Variants in SIMC1 observed in about 807,000 individuals in gnomAD.
SIMC1 encodes SUMO-interacting motif-containing protein 1.
Under a neutral mutation model 82.3 loss-of-function variants are expected in SIMC1, and 55 were observed. The observed-to-expected ratio is 0.67, with a 90% CI of 0.54 to 0.84. SIMC1 has a LOEUF of 0.84. SIMC1 is among the 40% of genes least tolerant of loss of function. The pLI is 0.00. For missense variants in SIMC1, 915 were observed against 1,107.2 expected (o/e 0.83, Z 2.46); for synonymous variants, 353 against 426.3 (o/e 0.83, Z 2.12).
chr5:176,294,950 G>C, intron 2 of SIMC1, 80 bp from the exon 3 acceptor site: 1 of 1,433,232 alleles, frequency 7.0e-7, no homozygotes, highest in South Asian at 1.4e-5. Flanking sequence ...GGGGAACAGA[G>C]CAAGACTCCG....
chr5:176,282,074 T>A lies in SIMC1; in HGVS notation c.130-7580T>A, dbSNP rs574063756. ...GCAGGCAGGCCTCCTTGAGCTGTGG[T>A]GGGCTTCACCCAGTTGGAGCTTCCC... On this transcript the variant is annotated intron_variant, in intron 1 of 9. Coordinates refer to ENST00000429602, the MANE Select transcript of SIMC1 (RefSeq NM_001308195.2). Among the ~76,000 whole-genome samples the A allele has an allele frequency of 7.4e-3, 1,132 of 152,364 alleles. 16 individuals carry two copies. The highest frequency in any genetic ancestry group is 0.025 in the African/African-American group (1,054 of 41,594).
intron 1 of SIMC1, among the ~76,000 whole-genome samples, chr5:176,287,454 C>A (rs28672754): frequency 2.0e-5 from 3 of 151,972 alleles, no homozygotes; most frequent in Non-Finnish European, 4.4e-5. Flanking sequence ...ACAGGAAGGG[C>A]AACATCAACA....
chr5:176,338,176 G>T (rs567616763), intron 9 of SIMC1, among the ~76,000 whole-genome samples: 2 of 152,252 alleles, frequency 1.3e-5, no homozygotes, highest in East Asian at 3.9e-4. Flanking sequence ...ACCAGATTGA[G>T]TGACCTTTTA....
In SIMC1 at chr5:176,313,717, T is replaced by C. The variant is rs746786294; in HGVS notation, c.1761T>C (p.Leu587=). The C allele has an allele frequency of 6.2e-7, 1 of 1,613,932 alleles. No homozygotes were observed. The highest frequency in any genetic ancestry group is 1.1e-5 in the South Asian group (1 of 91,076). The change falls in exon 5 of 10, where the codon CTT becomes CTC. Residue 587 remains leucine (L), a synonymous_variant. Transcript: ENST00000429602. ...GACAAACTCTGCCTGGGCGAGTCCT[T>C]TTCCTGCGTTATGTCGTTCAGACCC... ...EEGQTLPGRV[L]FLRYVVQTLE...
chr5:176,249,825 C>G (rs908969372), intron 1 of SIMC1, among the ~76,000 whole-genome samples: 1 of 112,322 alleles, frequency 8.9e-6, no homozygotes, highest in South Asian at 2.9e-4. Context: ...GCCTGAGCAA[C>G]AGAGCGAGAT....
chr5:176,297,550 A>T (rs762247421), intron 4 of SIMC1, among the ~76,000 whole-genome samples: 16,967 of 150,366 alleles, frequency 0.11, 1,041 homozygotes, highest in Admixed American at 0.14. Context: ...TCTCTGTAAT[A>T]AACAAAGACA....
At chr5:176,291,068 T>C (rs1156667273) in intron 2 of SIMC1, 113 bp downstream of exon 2, 1 of 664,830 alleles carries the variant, frequency 1.5e-6, no homozygotes, top group Non-Finnish European at 2.5e-6. Flanking sequence ...ATGAAATTTC[T>C]TATCTTTCCT....
intron 5 of SIMC1, 22 bp downstream of exon 5, chr5:176,313,867 C>A: frequency 6.2e-7 from 1 of 1,612,410 alleles, no homozygotes; most frequent in Non-Finnish European, 8.5e-7. Flanking sequence ...CCTGAGCCCT[C>A]GGATGAGAAG....
intron 9 of SIMC1, among the ~76,000 whole-genome samples, chr5:176,344,822 AGTT>A (rs568939461): frequency 3.3e-4 from 50 of 152,288 alleles, no homozygotes; most frequent in African/African-American, 1.2e-3. Context: ...GGGACTGTCT[AGTT>A]GTTTATTCAT....
chr5:176,263,629 T>C, intron 1 of SIMC1: 1 of 1,228,332 alleles, frequency 8.1e-7, no homozygotes, highest in Non-Finnish European at 1.1e-6. Flanking sequence ...TCTGTCCCCA[T>C]GATTCCACCA....
At chr5:176,276,037 A>C (rs11749446) in intron 1 of SIMC1, among the ~76,000 whole-genome samples, 1 of 150,984 alleles carries the variant, frequency 6.6e-6, no homozygotes, top group Non-Finnish European at 1.5e-5. Flanking sequence ...GAATAGTTTC[A>C]GAAGGAATGG....
chr5:176,343,956 A>G (rs1401459436), intron 9 of SIMC1, among the ~76,000 whole-genome samples: 1 of 151,846 alleles, frequency 6.6e-6, no homozygotes. Context: ...CACCATGCCC[A>G]GCTAATTTTT....
chr5:176,286,978 G>A (rs551834441), intron 1 of SIMC1, among the ~76,000 whole-genome samples: 26 of 152,206 alleles, frequency 1.7e-4, no homozygotes, highest in South Asian at 6.2e-4. Context: ...GTCAGGAAAC[G>A]ACAGGTGCTT....
At chr5:176,248,432 G>T (rs1225656082) in intron 1 of SIMC1, among the ~76,000 whole-genome samples, 1 of 152,104 alleles carries the variant, frequency 6.6e-6, no homozygotes, top group African/African-American at 2.4e-5. Flanking sequence ...GTATAGGAAT[G>T]CTTGTGACTT....
At chr5:176,295,304 A>G in intron 3 of SIMC1, 42 bp downstream of exon 3, 1 of 1,561,278 alleles carries the variant, frequency 6.4e-7, no homozygotes. Context: ...TCTTCTAGGG[A>G]TCTTGGACTC....
chr5:176,298,126 G>C (rs1157998061), intron 4 of SIMC1, among the ~76,000 whole-genome samples: 9 of 152,182 alleles, frequency 5.9e-5, no homozygotes, highest in Non-Finnish European at 7.3e-5. Flanking sequence ...TCAGTGCCCA[G>C]GCCAATGCCT....
intron 1 of SIMC1, among the ~76,000 whole-genome samples, chr5:176,245,132 G>A (rs141781305): frequency 4.7e-3 from 719 of 152,288 alleles, no homozygotes; most frequent in Non-Finnish European, 7.4e-3. Context: ...ACCTCAGATT[G>A]TGACCTTATT....
chr5:176,321,092 G>T (rs1765137355), intron 5 of SIMC1, among the ~76,000 whole-genome samples: 1 of 152,006 alleles, frequency 6.6e-6, no homozygotes, highest in African/African-American at 2.4e-5. Flanking sequence ...ATTCTGCATG[G>T]TCATCATTTC....
At chr5:176,343,808 T>G (rs892639981) in intron 9 of SIMC1, among the ~76,000 whole-genome samples, 22 of 152,190 alleles carry the variant, frequency 1.4e-4, no homozygotes, top group Admixed American at 3.9e-4. Flanking sequence ...GTTTTGTTTT[T>G]TTTGAGACGG....
Sources: allele counts gnomAD v4.1 joint callset (sites outside exome capture counted in the v4.1 genomes callset), GRCh38; gene constraint gnomAD v4.1.1; transcripts MANE v1.5; gene names NCBI Gene and HGNC (gene_info 2026-07-23, HGNC 2026-07-21).